Variants in DRC8 observed in about 807,000 individuals in gnomAD.
DRC8 encodes dynein regulatory complex subunit 8.
At chr1:245,016,067 C>T in the DRC8 span, among the ~76,000 whole-genome samples, 5 of 149,560 alleles carry the variant, frequency 3.3e-5, no homozygotes, top group African/African-American at 9.9e-5. Context: ...CTGCAACCTC[C>T]GCCTCCCAGG....
At chr1:245,114,504 T>C in the DRC8 span, among the ~76,000 whole-genome samples, 1 of 151,790 alleles carries the variant, frequency 6.6e-6, no homozygotes, top group Non-Finnish European at 1.5e-5. Context: ...TGTCCCTAGA[T>C]TCCTTCATGT....
At chr1:245,121,194 A>G in the DRC8 span, among the ~76,000 whole-genome samples, 4 of 152,350 alleles carry the variant, frequency 2.6e-5, no homozygotes, top group African/African-American at 9.6e-5. Flanking sequence ...AATAAGTGAT[A>G]TAATAGGGAA....
chr1:245,034,392 G>A, the DRC8 span, among the ~76,000 whole-genome samples: 3 of 152,026 alleles, frequency 2.0e-5, no homozygotes, highest in African/African-American at 7.2e-5. Context: ...TTTGAGGTCA[G>A]GAGTTCAAGA....
At chr1:245,037,240 T>C in the DRC8 span, among the ~76,000 whole-genome samples, 1 of 152,208 alleles carries the variant, frequency 6.6e-6, no homozygotes, top group Non-Finnish European at 1.5e-5. Flanking sequence ...TGAATATCTG[T>C]ACAAAAATTG....
the DRC8 span, among the ~76,000 whole-genome samples, chr1:245,009,028 C>CTTTTTTTTTTTT: frequency 4.7e-5 from 3 of 64,446 alleles, no homozygotes; most frequent in Non-Finnish European, 7.9e-5. Context: ...TTATGCTTTT[C>CTTTTTTTTTTTT]TTTTTTTTTT....
the DRC8 span, among the ~76,000 whole-genome samples, chr1:245,012,280 A>G: frequency 6.6e-6 from 1 of 151,990 alleles, no homozygotes; most frequent in African/African-American, 2.4e-5. Context: ...TTTCAAAACA[A>G]AAGTCAGCAT....
At chr1:245,072,283 T>G in the DRC8 span, among the ~76,000 whole-genome samples, 1 of 152,130 alleles carries the variant, frequency 6.6e-6, no homozygotes, top group Non-Finnish European at 1.5e-5. Context: ...TGAAGAAACC[T>G]TTTTTCTTTT....
chr1:245,006,530 C>G, the DRC8 span, among the ~76,000 whole-genome samples: 1 of 152,054 alleles, frequency 6.6e-6, no homozygotes, highest in African/African-American at 2.4e-5. Context: ...GTTTCAAACT[C>G]CTGATGTCAA....
chr1:245,034,600 C>CAAAAAAAAAA, the DRC8 span, among the ~76,000 whole-genome samples: 30 of 39,498 alleles, frequency 7.6e-4, no homozygotes, highest in East Asian at 1.5e-3. Context: ...GACTCCATCT[C>CAAAAAAAAAA]AAAAAAAAAA....
the DRC8 span, among the ~76,000 whole-genome samples, chr1:245,056,927 C>G: frequency 1.1e-4 from 2 of 18,526 alleles, no homozygotes; most frequent in African/African-American, 2.2e-4. Flanking sequence ...TAGAGCAAGA[C>G]TCCATCTCAA....
At chr1:244,980,040 T>TAAAAAAAAAAAAAAAAAAAAAA in the DRC8 span, among the ~76,000 whole-genome samples, 3 of 34,736 alleles carry the variant, frequency 8.6e-5, no homozygotes, top group Non-Finnish European at 1.4e-4. Flanking sequence ...CCGTCTCTAC[T>TAAAAAAAAAAAAAAAAAAAAAA]AAAAAAAAAA....
At chr1:245,061,646 T>C in the DRC8 span, among the ~76,000 whole-genome samples, 3 of 152,202 alleles carry the variant, frequency 2.0e-5, no homozygotes, top group African/African-American at 7.2e-5. Flanking sequence ...TACAAGTATG[T>C]ATTTGTACAT....
chr1:245,085,718 T>G, the DRC8 span, among the ~76,000 whole-genome samples: 1 of 152,180 alleles, frequency 6.6e-6, no homozygotes, highest in African/African-American at 2.4e-5. Context: ...GTTTTTCTGG[T>G]GCTGGTCGGT....
At chr1:245,058,672 A>C in the DRC8 span, among the ~76,000 whole-genome samples, 6 of 152,252 alleles carry the variant, frequency 3.9e-5, no homozygotes, top group African/African-American at 1.2e-4. Context: ...CTGTCTTAAT[A>C]TTCAGAGAGT....
chr1:245,025,026 T>A, the DRC8 span, among the ~76,000 whole-genome samples: 1 of 152,168 alleles, frequency 6.6e-6, no homozygotes, highest in Admixed American at 6.5e-5. Context: ...TTCACTCTAC[T>A]TTTACTTTCT....
the DRC8 span, among the ~76,000 whole-genome samples, chr1:245,063,376 C>G: frequency 6.6e-6 from 1 of 152,178 alleles, no homozygotes. Flanking sequence ...GTCAAGCACT[C>G]TCATCCAATC....
the DRC8 span, among the ~76,000 whole-genome samples, chr1:245,079,152 A>G: frequency 6.6e-6 from 1 of 152,124 alleles, no homozygotes; most frequent in African/African-American, 2.4e-5. Context: ...TTATTGTATA[A>G]TTTTATTGTT....
At chr1:245,072,681 T>C in the DRC8 span, among the ~76,000 whole-genome samples, 1 of 152,222 alleles carries the variant, frequency 6.6e-6, no homozygotes, top group Non-Finnish European at 1.5e-5. Flanking sequence ...AATCTCATGT[T>C]AAAATGTAAT....
the DRC8 span, among the ~76,000 whole-genome samples, chr1:245,019,940 G>A: frequency 6.6e-6 from 1 of 152,172 alleles, no homozygotes; most frequent in African/African-American, 2.4e-5. Flanking sequence ...ACTCCAGCCT[G>A]GGCGACTAAG....
Sources: gnomAD v4.1 joint callset for allele counts (sites outside exome capture counted in the v4.1 genomes callset) on GRCh38, gnomAD v4.1.1 for gene constraint, MANE v1.5 for transcripts, NCBI Gene and HGNC (gene_info 2026-07-23, HGNC 2026-07-21) for gene names.